The following GALNT7 variants were observed in gnomAD, a reference collection of about 807,000 sequenced individuals.
GALNT7 encodes polypeptide N-acetylgalactosaminyltransferase 7.
Under a neutral mutation model 82.1 loss-of-function variants are expected in GALNT7, and 60 were observed. That is an observed-to-expected ratio of 0.73 (90% CI 0.59 to 0.91). The LOEUF (loss-of-function observed/expected upper bound fraction) is 0.91, where lower values mean the gene tolerates loss of function less well. GALNT7 is among the 40% of genes least tolerant of loss of function. GALNT7 has a pLI of 0.00. For missense variants in GALNT7, 660 were observed against 804.2 expected (o/e 0.82, Z 2.17); for synonymous variants, 243 against 275.1 (o/e 0.88, Z 1.15).
At chr4:173,261,802 G>A (rs1402242992) in intron 2 of GALNT7, among the ~76,000 whole-genome samples, 1 of 152,128 alleles carries the variant, frequency 6.6e-6, no homozygotes, top group Non-Finnish European at 1.5e-5. Flanking sequence ...CTGGGGGACA[G>A]AGCCAGACTC....
At chr4:173,255,454 C>T (rs527922027) in intron 2 of GALNT7, among the ~76,000 whole-genome samples, 3 of 152,248 alleles carry the variant, frequency 2.0e-5, no homozygotes, top group South Asian at 2.1e-4. Context: ...TATAAACTCA[C>T]GTTGCATTTA....
In GALNT7 at chr4:173,292,192, G is replaced by A. The variant is rs1458448343; in HGVS notation, c.672G>A (p.Met224Ile). 6.2e-7 allele frequency: 1 copy of A among 1,605,482 alleles called. No individual in the cohort carries two copies. The highest frequency in any genetic ancestry group is 2.2e-5 in the East Asian group (1 of 44,730). The change falls in exon 3 of 12, where the codon ATG becomes ATA. Residue 224 changes from methionine to isoleucine, a missense_variant. By Grantham distance (10) the Met-to-Ile change is conservative (BLOSUM62 1). Transcript: ENST00000265000. The surrounding 1 kb of genome is among the most constrained non-coding windows in gnomAD (Gnocchi z 4.8). ...ATAATGAAGGATGGTCAACCCTCAT[G>A]AGAACAGTCCACAGTGTAATTAAAA... ...VFHNEGWSTL[M>I]RTVHSVIKRT... is the part of the protein sequence containing the mutation.
chr4:173,242,702 A>T (rs1207000228), intron 1 of GALNT7, among the ~76,000 whole-genome samples: 1 of 152,224 alleles, frequency 6.6e-6, no homozygotes, highest in South Asian at 2.1e-4. Flanking sequence ...AAGGGTACTG[A>T]GGCTGGTGCA....
chr4:173,207,891 T>C (rs1733147911), intron 1 of GALNT7, among the ~76,000 whole-genome samples: 1 of 152,214 alleles, frequency 6.6e-6, no homozygotes, highest in Non-Finnish European at 1.5e-5. Context: ...TTTTGTCAAC[T>C]TCATAGGTGA....
At chr4:173,183,776 A>G (rs4696050) in intron 1 of GALNT7, among the ~76,000 whole-genome samples, 39,421 of 147,474 alleles carry the variant, frequency 0.27, 5,979 homozygotes, top group African/African-American at 0.45. Flanking sequence ...CTGGCCTGGC[A>G]GGGACTGCCC....
chr4:173,236,464 C>T (rs138681988), intron 1 of GALNT7, among the ~76,000 whole-genome samples: 1 of 152,166 alleles, frequency 6.6e-6, no homozygotes, highest in Non-Finnish European at 1.5e-5. Context: ...CACTCATTTG[C>T]TCTATCCGAG....
intron 2 of GALNT7, among the ~76,000 whole-genome samples, chr4:173,277,044 AGATT>A (rs67145270): frequency 0.022 from 3,319 of 151,894 alleles, 46 homozygotes; most frequent in Non-Finnish European, 0.035. Context: ...ATTGATTGAT[AGATT>A]GATTGATTAA....
At chr4:173,303,869 A>C in intron 7 of GALNT7, 127 bp from the exon 8 acceptor site, 1 of 769,384 alleles carries the variant, frequency 1.3e-6, no homozygotes, top group Non-Finnish European at 2.1e-6. Flanking sequence ...GGATTTGTTT[A>C]GTTTAAGAAT....
chr4:173,197,112 GGGGTT>G (rs1732803870), intron 1 of GALNT7, among the ~76,000 whole-genome samples: 1 of 117,822 alleles, frequency 8.5e-6, no homozygotes, highest in Non-Finnish European at 1.6e-5. Flanking sequence ...ACTATCATTT[GGGGTT>G]GTCAAGATAT....
chr4:173,175,327 C>A (rs572615935), intron 1 of GALNT7, among the ~76,000 whole-genome samples: 39 of 152,242 alleles, frequency 2.6e-4, no homozygotes, highest in Middle Eastern at 3.4e-3. Context: ...TTGTAACAAC[C>A]ACCCTCTATT....
intron 1 of GALNT7, among the ~76,000 whole-genome samples, chr4:173,208,809 A>T (rs1733181634): frequency 1.3e-5 from 2 of 152,360 alleles, no homozygotes; most frequent in African/African-American, 4.8e-5. Context: ...CTTTGTATAT[A>T]TAGAAATTTT....
At chr4:173,203,942 TG>T (rs1219808380) in intron 1 of GALNT7, among the ~76,000 whole-genome samples, 1 of 152,234 alleles carries the variant, frequency 6.6e-6, no homozygotes, top group Non-Finnish European at 1.5e-5. Context: ...TGCTTTCATA[TG>T]TTTTCATATT....
intron 1 of GALNT7, among the ~76,000 whole-genome samples, chr4:173,204,853 T>G (rs1733038987): frequency 6.6e-6 from 1 of 152,186 alleles, no homozygotes; most frequent in Admixed American, 6.5e-5. Context: ...TTTGGTGGTA[T>G]TATGTCTCTT....
At chr4:173,258,195 C>T (rs1466161406) in intron 2 of GALNT7, among the ~76,000 whole-genome samples, 1 of 152,134 alleles carries the variant, frequency 6.6e-6, no homozygotes, top group Non-Finnish European at 1.5e-5. Context: ...ATAATGTAAC[C>T]TAGACTAGAG....
At chr4:173,255,089 AC>A (rs1441945158) in intron 2 of GALNT7, among the ~76,000 whole-genome samples, 3 of 152,190 alleles carry the variant, frequency 2.0e-5, no homozygotes, top group African/African-American at 7.2e-5. Context: ...AACTTACGTT[AC>A]CCCCATTTCT....
intron 1 of GALNT7, among the ~76,000 whole-genome samples, chr4:173,174,706 G>A (rs1219463964): frequency 1.3e-5 from 2 of 152,110 alleles, no homozygotes; most frequent in Non-Finnish European, 2.9e-5. Context: ...AGTTGGGGGT[G>A]GGGAGAGCTA....
intron 1 of GALNT7, among the ~76,000 whole-genome samples, chr4:173,184,603 A>G (rs980379146): frequency 7.5e-6 from 1 of 133,248 alleles, no homozygotes; most frequent in African/African-American, 2.8e-5. Flanking sequence ...GGAGCTCGGC[A>G]TCAGAGGGAG....
chr4:173,169,020 C>A, intron 1 of GALNT7, 59 bp downstream of exon 1: 3 of 1,580,350 alleles, frequency 1.9e-6, no homozygotes, highest in Non-Finnish European at 2.6e-6. Flanking sequence ...TTTGTTTGCC[C>A]GCGTGTGGAG....
chr4:173,250,051 C>T (rs752848541), intron 2 of GALNT7, among the ~76,000 whole-genome samples: 3 of 152,166 alleles, frequency 2.0e-5, no homozygotes, highest in Non-Finnish European at 4.4e-5. Context: ...ATTCTCACAA[C>T]CAAACTGTGA....
Sources: gnomAD v4.1 joint callset for allele counts (sites outside exome capture counted in the v4.1 genomes callset) on GRCh38, gnomAD v4.1.1 for gene constraint, Gnocchi (gnomAD v3.1) non-coding constraint, MANE v1.5 for transcripts, NCBI Gene and HGNC (gene_info 2026-07-23, HGNC 2026-07-21) for gene names.